RBM12B: variants seen among roughly 807,000 people sequenced by gnomAD.
RBM12B encodes RNA binding motif protein 12B.
Under a neutral mutation model 34.3 loss-of-function variants are expected in RBM12B, and 10 were observed. The observed-to-expected ratio is 0.29, with a 90% confidence interval of 0.18 to 0.49. RBM12B has a LOEUF of 0.49. Among genes scored for constraint, RBM12B ranks in the 20% least tolerant of loss-of-function variants. The pLI is 0.99. For missense variants in RBM12B, 1,139 were observed against 1,262.7 expected (o/e 0.90, Z 1.48); for synonymous variants, 477 against 437.1 (o/e 1.09, Z -1.14).
At position 93,733,313 on chromosome 8, in the gene RBM12B, ATAATT is replaced by A. The variant is rs1811855280; in HGVS notation, c.*87_*91del. The A allele has an allele frequency of 1.0e-6, 1 of 977,600 alleles. No homozygotes were observed. The highest frequency in any genetic ancestry group is 1.7e-5 in the African/African-American group (1 of 60,092). 60.6% of individuals were successfully genotyped at this position (977,600 alleles called of 1,614,324 possible). On this transcript the variant is annotated 3_prime_UTR_variant, in exon 4 of 4. Coordinates refer to ENST00000520560, the MANE Select transcript of RBM12B (RefSeq NM_001377960.1). The stretch of plus-strand genomic sequence containing the variant: ...GGTCAAAAATAAAATATTTCATTAG[ATAATT>A]TAAAAAAAAAACACTTTTTTAAAAC...
chr8:93,738,481 A>T (rs1288347897), intron 2 of RBM12B, among the ~76,000 whole-genome samples: 1 of 152,228 alleles, frequency 6.6e-6, no homozygotes, highest in African/African-American at 2.4e-5. Context: ...TGGGGGAGAC[A>T]GGGTCTCTCT....
chr8:93,735,156 A>T lies in RBM12B; in HGVS notation c.1255T>A (p.Phe419Ile). Residue 419 changes from phenylalanine to isoleucine, a missense_variant, in exon 4 of 4, where the codon TTC becomes ATC. Coordinates refer to ENST00000520560, the MANE Select transcript of RBM12B (RefSeq NM_001377960.1). ...TCAGCAAGAAGAAAGTCTGCAAAGA[A>T]CTTCTGCACTTCAACTTTTGTAACA... ...FDVTKVEVQKFFADFLLAEDD... is the reference protein window; with the variant it reads ...FDVTKVEVQKIFADFLLAEDD... 6.2e-7 allele frequency: 1 copy of T among 1,614,112 alleles called. No homozygotes were observed. Among genetic ancestry groups the T allele is most frequent in the Non-Finnish European group, 8.5e-7 (1 of 1,180,000 alleles).
In RBM12B at chr8:93,732,451, A is replaced by G. The variant is rs1811826575; in HGVS notation, c.*954T>C. On this transcript the variant is annotated 3_prime_UTR_variant, in exon 4 of 4. Coordinates refer to ENST00000520560, the MANE Select transcript of RBM12B (RefSeq NM_001377960.1). ...TTCGAAGCTAAAAAATGAGAACCTA[A>G]TATTACATGCAAGTTATGTGACTCA... 1 of 152,250 alleles carries G rather than the reference A, an allele frequency of 6.6e-6. No homozygotes were observed. Among genetic ancestry groups the G allele is most frequent in the African/African-American group, 2.4e-5 (1 of 41,468 alleles). 9.4% of individuals were successfully genotyped at this position (152,250 alleles called of 1,614,324 possible).
rs575818938 is a variant in RBM12B, at chr8:93,734,725, T to C, written c.1686A>G (p.Ser562=). 31 of 1,614,008 alleles carry C rather than the reference T, an allele frequency of 1.9e-5. No homozygotes were observed. The South Asian group carries it at 2.6e-4, about 14-fold the overall frequency. Residue 562 remains serine, a synonymous_variant, in exon 4 of 4, where the codon TCA becomes TCG. Coordinates refer to ENST00000520560, the MANE Select transcript of RBM12B (RefSeq NM_001377960.1). ...CCTCCGGGGGGAACCTAAAGTCCTC[T>C]GAGGAGTGTCGGAAGTCTTCTGGAG... is the stretch of plus-strand genomic sequence containing the variant. ...RHPPEDFRHS[S]EDFRFPPEDF...
Position 93,731,175 on chromosome 8 carries a change from T to A in RBM12B, c.*2230A>T, listed in dbSNP as rs1021898007. ...ACTCTGACTCTTAAAATAATAAAAC[T>A]ACAAAGCTTATGTTTACTCTAGCTG... On this transcript the variant is annotated 3_prime_UTR_variant, in exon 4 of 4. Transcript: ENST00000520560. The A allele has an allele frequency of 4.6e-5, 7 of 152,014 alleles. No individual in the cohort carries two copies. The highest frequency in any genetic ancestry group is 1.7e-4 in the African/African-American group (7 of 41,378). The allele number at this position is 152,014 out of a possible 1,614,324, so 9.4% of individuals were successfully genotyped here.
In RBM12B at chr8:93,732,011, G is replaced by C. The variant is rs761800368; in HGVS notation, c.*1394C>G. The stretch of plus-strand genomic sequence containing the variant: ...AGAAAATAATCATTTATCCTTGAAA[G>C]TATCTTTAGCATGGTCTTCCTAATT... On this transcript the variant is annotated 3_prime_UTR_variant, in exon 4 of 4. Coordinates refer to ENST00000520560, the MANE Select transcript of RBM12B (RefSeq NM_001377960.1). The C allele has an allele frequency of 9.2e-5, 14 of 152,296 alleles. No individual in the cohort carries two copies. Among genetic ancestry groups the C allele is most frequent in the Middle Eastern group, 3.2e-3 (1 of 314 alleles). The allele number at this position is 152,296 out of a possible 1,614,324, so 9.4% of individuals were successfully genotyped here. A position where few individuals can be genotyped will look rare whatever the true frequency, so the allele number is the denominator to read the frequency against.
At chr8:93,736,709 T>C (rs1163865207) in intron 3 of RBM12B, among the ~76,000 whole-genome samples, 1 of 152,222 alleles carries the variant, frequency 6.6e-6, no homozygotes, top group Middle Eastern at 3.2e-3. Context: ...TATCAAATCT[T>C]CCTTTGTAAG....
At position 93,734,453 on chromosome 8, in the gene RBM12B, T is replaced by G; in HGVS notation, c.1958A>C (p.Gln653Pro). ...FRQLPEEDFR[Q>P]PPEEDLRWLP... ...CCACCTTAAGTCCTCCTCAGGGGGT[T>G]GCCTGAAGTCCTCCTCGGGGAGCTG... Residue 653 changes from glutamine to proline, a missense_variant, in exon 4 of 4, where the codon CAA becomes CCA. Gln to Pro is a moderately conservative substitution (Grantham distance 76). This residue lies in a region of RBM12B where 863 missense variants were observed against 869.5 expected (regional missense o/e 0.99). Transcript: ENST00000520560. 6.2e-7 allele frequency: 1 copy of G among 1,603,684 alleles called. No individual in the cohort carries two copies. Among genetic ancestry groups the G allele is most frequent in the Non-Finnish European group, 8.5e-7 (1 of 1,173,900 alleles).
Position 93,733,358 on chromosome 8 carries a change from CCAT to C in RBM12B, c.*44_*46del, listed in dbSNP as rs749788106. 8.4e-6 allele frequency: 12 copies of C among 1,420,670 alleles called. No homozygotes were observed. The highest frequency in any genetic ancestry group is 1.1e-5 in the Non-Finnish European group (12 of 1,076,558). 88.0% of individuals were successfully genotyped at this position (1,420,670 alleles called of 1,614,324 possible). On this transcript the variant is annotated 3_prime_UTR_variant, in exon 4 of 4. Coordinates refer to ENST00000520560, the MANE Select transcript of RBM12B (RefSeq NM_001377960.1). ...TTTTTTAAAACAAATGTATTTTACT[CCAT>C]CAATACTGCAAGGAAGATAACTGAA...
In RBM12B at chr8:93,735,558, A is replaced by G. The variant is rs927513624; in HGVS notation, c.853T>C (p.Tyr285His). ...RTRSRSPLGF[Y>H]VHLKNLSLSI... ...AGGGACAGATTTTTTAAGTGAACATAAAATCCAAGAGGGGAACGAGAACGT... is the reference window on the plus strand; with the variant it reads ...AGGGACAGATTTTTTAAGTGAACATGAAATCCAAGAGGGGAACGAGAACGT... The change falls in exon 4 of 4, where the codon TAT becomes CAT. Residue 285 changes from tyrosine (Y) to histidine (H), a missense_variant. Around this residue, in one of 3 missense-constraint regions of RBM12B, gnomAD observed 863 missense variants for 869.5 expected, o/e 0.99. Coordinates refer to ENST00000520560, the MANE Select transcript of RBM12B (RefSeq NM_001377960.1). The G allele has an allele frequency of 6.2e-7, 1 of 1,614,190 alleles. No homozygotes were observed. The highest frequency in any genetic ancestry group is 2.2e-5 in the East Asian group (1 of 44,868).
At position 93,734,131 on chromosome 8, in the gene RBM12B, T is replaced by TG; in HGVS notation, c.2279dup (p.Glu761ArgfsTer49). 1 of 1,555,644 alleles carries TG rather than the reference T, an allele frequency of 6.4e-7. No homozygotes were observed. Among genetic ancestry groups the TG allele is most frequent in the Non-Finnish European group, 8.7e-7 (1 of 1,153,822 alleles). On this transcript the variant is annotated frameshift_variant, in exon 4 of 4. Transcript: ENST00000520560. LOFTEE classifies it high-confidence loss of function. ...CTGGGGGTGGCCGCCTGAAGTGCTC[T>TG]GGGGGTGGCCGCCGGAAGTGCTCTG... is the stretch of plus-strand genomic sequence containing the variant.
intron 2 of RBM12B, among the ~76,000 whole-genome samples, chr8:93,737,736 T>C (rs1418483531): frequency 6.6e-6 from 1 of 151,566 alleles, no homozygotes; most frequent in East Asian, 1.9e-4. Context: ...GGTCTATACA[T>C]TTTGCTGTAC....
Position 93,735,556 on chromosome 8 carries a change from A to G in RBM12B, c.855T>C (p.Tyr285=), listed in dbSNP as rs1476094976. The G allele has an allele frequency of 1.2e-6, 2 of 1,614,054 alleles. No homozygotes were observed. The highest frequency in any genetic ancestry group is 1.7e-6 in the Non-Finnish European group (2 of 1,180,024). ...TGAGGGACAGATTTTTTAAGTGAACATAAAATCCAAGAGGGGAACGAGAAC... is the reference window on the plus strand; with the variant it reads ...TGAGGGACAGATTTTTTAAGTGAACGTAAAATCCAAGAGGGGAACGAGAAC... The part of the protein sequence containing the change: ...RTRSRSPLGF[Y]VHLKNLSLSI... Residue 285 remains tyrosine (Y), a synonymous_variant, in exon 4 of 4, where the codon TAT becomes TAC. Coordinates refer to ENST00000520560, the MANE Select transcript of RBM12B (RefSeq NM_001377960.1).
rs1157471911 is a variant in RBM12B, at chr8:93,733,540, T to C, written c.2871A>G (p.Ile957Met). 2.5e-6 allele frequency: 4 copies of C among 1,613,618 alleles called. No homozygotes were observed. The African/African-American group carries it at 5.3e-5, about 22-fold the overall frequency. The stretch of plus-strand genomic sequence containing the variant: ...TAGGTAAGCCTTGCTCATTATACTG[T>C]ATCGAAACTGAATCAGGTATGATTC... ...GYRIIPDSVSIQYNEQGLPTG... is the reference protein window; with the variant it reads ...GYRIIPDSVSMQYNEQGLPTG... The change falls in exon 4 of 4, where the codon ATA becomes ATG. Residue 957 changes from isoleucine (I) to methionine (M), a missense_variant. Ile to Met is a conservative substitution (Grantham distance 10). Around this residue, in one of 3 missense-constraint regions of RBM12B, gnomAD observed 60 missense variants for 101.0 expected, o/e 0.59. Coordinates refer to ENST00000520560, the MANE Select transcript of RBM12B (RefSeq NM_001377960.1).
In RBM12B at chr8:93,735,239, G is replaced by A. The variant is rs1469374922; in HGVS notation, c.1172C>T (p.Ser391Phe). Residue 391 changes from serine (S) to phenylalanine (F), a missense_variant, in exon 4 of 4, where the codon TCT (serine) becomes TTT (phenylalanine). Physicochemically the swap from Ser to Phe is radical, Grantham distance 155. Coordinates refer to ENST00000520560, the MANE Select transcript of RBM12B (RefSeq NM_001377960.1). ...DRPGHVSQKY[S>F]QEGNSGQKLC... ...TTTCTGGCCAGAGTTACCTTCTTGA[G>A]AGTATTTTTGTGAAACATGTCCGGG... 1 of 1,614,046 alleles carries A rather than the reference G, an allele frequency of 6.2e-7. No homozygotes were observed. Among genetic ancestry groups the A allele is most frequent in the African/African-American group, 1.3e-5 (1 of 75,048 alleles).
At position 93,733,745 on chromosome 8, in the gene RBM12B, C is replaced by A. The variant is rs983203792; in HGVS notation, c.2666G>T (p.Gly889Val). ...FRSHRPFVNF[G>V]RPEGGKFDFG... ...ATCAAACTTGCCACCTTCTGGGCGA[C>A]CAAAATTCACAAAAGGGCGGTGACT... The change falls in exon 4 of 4, where the codon GGT (glycine) becomes GTT (valine). Residue 889 changes from glycine to valine, a missense_variant. Gly to Val is a moderately radical substitution (Grantham distance 109). This residue lies in a region of RBM12B where 863 missense variants were observed against 869.5 expected (regional missense o/e 0.99). Transcript: ENST00000520560. 1 of 1,614,168 alleles carries A rather than the reference C, an allele frequency of 6.2e-7. No homozygotes were observed. The highest frequency in any genetic ancestry group is 1.7e-5 in the Admixed American group (1 of 60,032).
Position 93,731,549 on chromosome 8 carries a change from T to G in RBM12B, c.*1856A>C, listed in dbSNP as rs1563657087. 6.6e-6 allele frequency: 1 copy of G among 152,218 alleles called. No homozygotes were observed. Among genetic ancestry groups the G allele is most frequent in the Admixed American group, 6.5e-5 (1 of 15,288 alleles). The allele number at this position is 152,218 out of a possible 1,614,324, so 9.4% of individuals were successfully genotyped here. On this transcript the variant is annotated 3_prime_UTR_variant, in exon 4 of 4. Transcript: ENST00000520560. ...TATTCATTCCATAGCAAGCAGGATA[T>G]TCACTATTTAAAACAAATTTAAGCA...
chr8:93,731,833 A>G lies in RBM12B; in HGVS notation c.*1572T>C, dbSNP rs547170069. 6.5e-6 allele frequency: 1 copy of G among 152,764 alleles called. No homozygotes were observed. The highest frequency in any genetic ancestry group is 2.1e-4 in the South Asian group (1 of 4,826). 9.5% of individuals were successfully genotyped at this position (152,764 alleles called of 1,614,324 possible). A position where few individuals can be genotyped will look rare whatever the true frequency, so the allele number is the denominator to read the frequency against. Reference sequence around the variant, plus strand: ...TAATTTTGAAATATAAGCCAGTAATATACCATATGAGTATCCCAAGAGAAA... The same window carrying G: ...TAATTTTGAAATATAAGCCAGTAATGTACCATATGAGTATCCCAAGAGAAA... On this transcript the variant is annotated 3_prime_UTR_variant, in exon 4 of 4. Transcript: ENST00000520560.
chr8:93,740,526 G>C (rs3813853), intron 2 of RBM12B, 103 bp downstream of exon 2: 1 of 456,652 alleles, frequency 2.2e-6, no homozygotes, highest in African/African-American at 2.0e-5. Flanking sequence ...ACTGCCCCCA[G>C]ATCTAACTGA....
Sources: gnomAD v4.1 joint callset for allele counts (sites outside exome capture counted in the v4.1 genomes callset) on GRCh38, gnomAD v4.1.1 for gene constraint, gnomAD v4.1.1 regional missense constraint, MANE v1.5 for transcripts, NCBI Gene and HGNC (gene_info 2026-07-23, HGNC 2026-07-21) for gene names.